Variants in LARGE1 observed in about 807,000 individuals in gnomAD.
The protein encoded by LARGE1 is xylosyl- and glucuronyltransferase LARGE1.
Under a neutral mutation model 87.6 loss-of-function variants are expected in LARGE1, and 43 were observed. That is an observed-to-expected ratio of 0.49 (90% CI 0.38 to 0.63). The LOEUF is 0.63. Ranked by LOEUF, LARGE1 falls within the 30% of genes least tolerant of loss-of-function variation. The pLI is 0.00. For synonymous variants in LARGE1, 434 were observed against 394.6 expected (o/e 1.10, Z -1.18); for missense variants, 802 against 1,000.2 (o/e 0.80, Z 2.67).
At chr22:33,661,744 C>G (rs2081129228) in intron 2 of LARGE1, among the ~76,000 whole-genome samples, 2 of 151,978 alleles carry the variant, frequency 1.3e-5, no homozygotes, top group African/African-American at 4.8e-5. Context: ...GAGTTAGGGA[C>G]TCTCATCAAA....
chr22:33,393,356 G>A (rs1288065981), intron 7 of LARGE1, among the ~76,000 whole-genome samples: 1 of 152,206 alleles, frequency 6.6e-6, no homozygotes, highest in Non-Finnish European at 1.5e-5. Context: ...CTTAATAAAT[G>A]ACAGTTACAG....
intron 3 of LARGE1, among the ~76,000 whole-genome samples, chr22:33,631,111 C>G (rs1569326402): frequency 6.6e-6 from 1 of 152,142 alleles, no homozygotes; most frequent in Admixed American, 6.5e-5. Context: ...CCTCAGCCTC[C>G]CAAAGTGCTG....
chr22:33,073,139 A>G, the LARGE1 span, among the ~76,000 whole-genome samples: 4 of 152,226 alleles, frequency 2.6e-5, no homozygotes, highest in African/African-American at 7.2e-5. Flanking sequence ...GTAGTGGTGA[A>G]ATGCCTTCTA....
intron 1 of LARGE1, among the ~76,000 whole-genome samples, chr22:33,900,296 G>A (rs1304871922): frequency 1.3e-5 from 2 of 152,168 alleles, no homozygotes; most frequent in African/African-American, 4.8e-5. Context: ...TGCAAGCCCA[G>A]CCCCGGCTCA....
Position 33,441,071 on chromosome 22 carries a change from C to CTTTTTTTTTTTTTTTTTTTT in LARGE1, c.788-8826_788-8807dup, listed in dbSNP as rs35976426. 9.7e-4 allele frequency among the ~76,000 whole-genome samples: 96 copies of CTTTTTTTTTTTTTTTTTTTT among 98,514 alleles called. 11 individuals are homozygous for CTTTTTTTTTTTTTTTTTTTT. The highest frequency in any genetic ancestry group is 4.4e-3 in the African/African-American group (90 of 20,388). The allele number at this position is 98,514 out of a possible 152,430, so 64.6% of individuals were successfully genotyped here. A position where few individuals can be genotyped will look rare whatever the true frequency, so the allele number is the denominator to read the frequency against. On this transcript the variant is annotated intron_variant, in intron 6 of 14. Transcript: ENST00000397394. ...CTCAGCTGCTGCTATTTTGTTTGAA[C>CTTTTTTTTTTTTTTTTTTTT]TTTTTTTTTTTTTTTTTTTTGAGAG... is the stretch of plus-strand genomic sequence containing the variant.
chr22:33,337,936 G>T, intron 9 of LARGE1, 135 bp from the exon 10 acceptor site: 1 of 1,009,786 alleles, frequency 9.9e-7, no homozygotes, highest in Non-Finnish European at 1.5e-6. Flanking sequence ...CAACATTTTG[G>T]CAGAGTGGTT....
intron 6 of LARGE1, among the ~76,000 whole-genome samples, chr22:33,493,247 A>G (rs1276162814): frequency 7.5e-6 from 1 of 132,642 alleles, no homozygotes; most frequent in African/African-American, 2.9e-5. Context: ...TGCAACCTTC[A>G]CCTCCCGGGT....
At position 33,549,350 on chromosome 22, in the gene LARGE1, ACACTGGTTCCTCTCTT is replaced by A. The variant is rs566504621; in HGVS notation, c.787+15482_787+15497del. 3.6e-3 allele frequency among the ~76,000 whole-genome samples: 551 copies of A among 152,354 alleles called. 1 individual carries two copies. Among genetic ancestry groups the A allele is most frequent in the African/African-American group, 0.012 (518 of 41,584 alleles). Reference sequence around the variant, plus strand: ...CTTCTTGATAGTCATAGAATGGCATACACTGGTTCCTCTCTTCACGGATATGCAGATGAGCTGCAAG... The same window carrying A: ...CTTCTTGATAGTCATAGAATGGCATACACGGATATGCAGATGAGCTGCAAG... On this transcript the variant is annotated intron_variant, in intron 6 of 14. Coordinates refer to ENST00000397394, the MANE Select transcript of LARGE1 (RefSeq NM_133642.5).
At chr22:33,484,669 T>C (rs1321032049) in intron 6 of LARGE1, among the ~76,000 whole-genome samples, 1 of 152,126 alleles carries the variant, frequency 6.6e-6, no homozygotes, top group Non-Finnish European at 1.5e-5. Flanking sequence ...AATTAATGGT[T>C]GCTTTTACTT....
intron 9 of LARGE1, among the ~76,000 whole-genome samples, chr22:33,344,078 G>C (rs62227564): frequency 2.0e-5 from 3 of 152,154 alleles, no homozygotes; most frequent in African/African-American, 7.2e-5. Flanking sequence ...CAGCTGATTA[G>C]ATGTTGCCCA....
intron 6 of LARGE1, among the ~76,000 whole-genome samples, chr22:33,503,045 G>A (rs146738342): frequency 6.6e-6 from 1 of 152,310 alleles, no homozygotes; most frequent in African/African-American, 2.4e-5. Context: ...AATCAGGTAT[G>A]CTTCAGAAAC....
chr22:33,307,092 A>C (rs1313662380), intron 11 of LARGE1, among the ~76,000 whole-genome samples: 4 of 152,178 alleles, frequency 2.6e-5, no homozygotes, highest in Admixed American at 6.5e-5. Context: ...GACCTGAACA[A>C]CTGTGACAAA....
chr22:33,693,209 C>A (rs1406981836), intron 2 of LARGE1, among the ~76,000 whole-genome samples: 1 of 152,094 alleles, frequency 6.6e-6, no homozygotes, highest in Non-Finnish European at 1.5e-5. Context: ...TTCGCAAAGG[C>A]AGAAAGAGCA....
chr22:33,122,427 C>T, the LARGE1 span, among the ~76,000 whole-genome samples: 7 of 149,142 alleles, frequency 4.7e-5, no homozygotes, highest in Admixed American at 6.7e-5. Flanking sequence ...GGCGCTATCT[C>T]GGTTCACTGC....
chr22:33,846,632 C>T (rs771294676), intron 1 of LARGE1, among the ~76,000 whole-genome samples: 4 of 152,198 alleles, frequency 2.6e-5, no homozygotes, highest in Non-Finnish European at 5.9e-5. Flanking sequence ...AGAAATATCA[C>T]TGAATTCTTT....
intron 1 of LARGE1, among the ~76,000 whole-genome samples, chr22:33,866,067 T>C (rs911942433): frequency 6.6e-6 from 1 of 151,964 alleles, no homozygotes; most frequent in Non-Finnish European, 1.5e-5. Context: ...CAGGCTGGTC[T>C]CCAACTCCTG....
At chr22:33,640,375 C>G (rs1050423339) in intron 3 of LARGE1, among the ~76,000 whole-genome samples, 2 of 152,122 alleles carry the variant, frequency 1.3e-5, no homozygotes, top group Admixed American at 6.5e-5. Flanking sequence ...TAGAAGAATT[C>G]TACCAAAAAT....
intron 11 of LARGE1, among the ~76,000 whole-genome samples, chr22:33,205,992 T>C (rs2146220683): frequency 7.0e-6 from 1 of 143,072 alleles, no homozygotes; most frequent in East Asian, 2.0e-4. Context: ...TCTCGCTCTG[T>C]TGTCCAGGCT....
At chr22:33,265,061 T>G (rs1927858239) in intron 11 of LARGE1, among the ~76,000 whole-genome samples, 1 of 151,772 alleles carries the variant, frequency 6.6e-6, no homozygotes, top group Non-Finnish European at 1.5e-5. Flanking sequence ...CCACCATGCC[T>G]GGCTAATTTT....
Sources: gnomAD v4.1 joint callset for allele counts (sites outside exome capture counted in the v4.1 genomes callset) on GRCh38, gnomAD v4.1.1 for gene constraint, MANE v1.5 for transcripts, NCBI Gene and HGNC (gene_info 2026-07-23, HGNC 2026-07-21) for gene names.